Variants in AKAP19 observed in about 807,000 individuals in gnomAD.
The protein encoded by AKAP19 is small A-kinase anchoring protein.
At chr2:190,020,943 G>A in the AKAP19 span, among the ~76,000 whole-genome samples, 2 of 152,108 alleles carry the variant, frequency 1.3e-5, no homozygotes, top group Non-Finnish European at 2.9e-5. Flanking sequence ...TTAGCATAAT[G>A]TTATATTAGC....
the AKAP19 span, among the ~76,000 whole-genome samples, chr2:190,124,181 G>C: frequency 6.6e-6 from 1 of 152,202 alleles, no homozygotes; most frequent in Non-Finnish European, 1.5e-5. Flanking sequence ...ATAATAGTGT[G>C]AGCCAATTCC....
chr2:189,956,645 C>A, the AKAP19 span, among the ~76,000 whole-genome samples: 1 of 152,156 alleles, frequency 6.6e-6, no homozygotes, highest in Non-Finnish European at 1.5e-5. Flanking sequence ...GTGGCACAAT[C>A]ATGGCTTACT....
chr2:189,990,345 T>C, the AKAP19 span, among the ~76,000 whole-genome samples: 1 of 152,198 alleles, frequency 6.6e-6, no homozygotes, highest in Non-Finnish European at 1.5e-5. Flanking sequence ...CCAAATCATA[T>C]TGGATTTTGT....
At chr2:190,099,569 C>T in the AKAP19 span, among the ~76,000 whole-genome samples, 40,177 of 152,032 alleles carry the variant, frequency 0.26, 6,225 homozygotes, top group African/African-American at 0.43. Context: ...AAATCAATTG[C>T]AAGAATCACC....
At chr2:189,972,316 G>T in the AKAP19 span, among the ~76,000 whole-genome samples, 2 of 151,964 alleles carry the variant, frequency 1.3e-5, no homozygotes, top group Non-Finnish European at 2.9e-5. Flanking sequence ...ATTTCTGAGG[G>T]TTCTGTTCGG....
the AKAP19 span, among the ~76,000 whole-genome samples, chr2:190,086,586 C>T: frequency 2.0e-5 from 3 of 152,182 alleles, no homozygotes; most frequent in Non-Finnish European, 4.4e-5. Context: ...TCCCATGCTC[C>T]CTTTGCTCAG....
chr2:190,169,390 G>A, the AKAP19 span, among the ~76,000 whole-genome samples: 3 of 152,136 alleles, frequency 2.0e-5, no homozygotes, highest in Non-Finnish European at 2.9e-5. Flanking sequence ...TGCAGCTCAA[G>A]CTGGTGAGGT....
chr2:190,057,740 G>T, the AKAP19 span: 5 of 1,258,166 alleles, frequency 4.0e-6, no homozygotes, highest in Non-Finnish European at 5.7e-6. Context: ...TAATAATTTT[G>T]CTCATACCAC....
the AKAP19 span, among the ~76,000 whole-genome samples, chr2:190,058,607 G>C: frequency 0.068 from 10,350 of 151,900 alleles, 851 homozygotes; most frequent in African/African-American, 0.2. Context: ...ACCAGCCTAA[G>C]TGCCCATCAG....
the AKAP19 span, among the ~76,000 whole-genome samples, chr2:189,983,511 A>G: frequency 6.6e-6 from 1 of 152,238 alleles, no homozygotes; most frequent in African/African-American, 2.4e-5. Context: ...AGTGAGAAGA[A>G]CAACTGCTGT....
chr2:190,044,345 C>G, the AKAP19 span, among the ~76,000 whole-genome samples: 1 of 152,122 alleles, frequency 6.6e-6, no homozygotes, highest in Non-Finnish European at 1.5e-5. Context: ...AATGGAGTGT[C>G]TTTGTGCTGT....
At chr2:190,198,794 G>A in the AKAP19 span, among the ~76,000 whole-genome samples, 2 of 152,082 alleles carry the variant, frequency 1.3e-5, no homozygotes, top group Non-Finnish European at 2.9e-5. Context: ...AAATGAAGCT[G>A]TCTTGTATTG....
chr2:189,913,411 A>G, the AKAP19 span, among the ~76,000 whole-genome samples: 2 of 152,122 alleles, frequency 1.3e-5, no homozygotes, highest in Non-Finnish European at 2.9e-5. Flanking sequence ...CAGATTTATT[A>G]AATTACTAGA....
At chr2:190,199,025 A>G in the AKAP19 span, among the ~76,000 whole-genome samples, 3 of 152,204 alleles carry the variant, frequency 2.0e-5, no homozygotes, top group African/African-American at 4.8e-5. Flanking sequence ...TATGTAACCT[A>G]TATTGTTTAG....
At chr2:190,198,893 A>C in the AKAP19 span, among the ~76,000 whole-genome samples, 2 of 152,182 alleles carry the variant, frequency 1.3e-5, no homozygotes, top group East Asian at 1.9e-4. Context: ...AAGCATTGTC[A>C]TCTATTTATT....
chr2:190,009,290 A>AGG, the AKAP19 span, among the ~76,000 whole-genome samples: 3 of 152,176 alleles, frequency 2.0e-5, no homozygotes, highest in African/African-American at 4.8e-5. Context: ...AATAGATTCC[A>AGG]GGGGGCTAGA....
the AKAP19 span, among the ~76,000 whole-genome samples, chr2:190,122,404 T>G: frequency 6.6e-6 from 1 of 152,240 alleles, no homozygotes; most frequent in Non-Finnish European, 1.5e-5. Context: ...CTTATGTCAG[T>G]TTCTTTGTCT....
At chr2:189,978,510 A>G in the AKAP19 span, among the ~76,000 whole-genome samples, 1 of 152,096 alleles carries the variant, frequency 6.6e-6, no homozygotes, top group African/African-American at 2.4e-5. Flanking sequence ...AGTCCCAGCT[A>G]CTCGGAAGGC....
chr2:190,021,222 T>A, the AKAP19 span, among the ~76,000 whole-genome samples: 1 of 151,966 alleles, frequency 6.6e-6, no homozygotes, highest in African/African-American at 2.4e-5. Flanking sequence ...TTGTTTCCAA[T>A]TAAAAGCAAT....
Sources: allele counts gnomAD v4.1 joint callset (sites outside exome capture counted in the v4.1 genomes callset), GRCh38; gene constraint gnomAD v4.1.1; transcripts MANE v1.5; gene names NCBI Gene and HGNC (gene_info 2026-07-23, HGNC 2026-07-21).